Variants in ZFHX3 observed in about 807,000 individuals in gnomAD.
The protein encoded by ZFHX3 is zinc finger homeobox 3, also known as zinc finger homeobox protein 3.
In ZFHX3, 42 loss-of-function variants were observed where a neutral mutation model predicts 279.1. That is an observed-to-expected ratio of 0.15 (90% CI 0.12 to 0.19). ZFHX3 has a LOEUF of 0.19. ZFHX3 is among the 10% of genes least tolerant of loss of function. ZFHX3 has a pLI of 1.00. For missense variants in ZFHX3, 4,981 were observed against 4,754.0 expected, an observed-to-expected ratio of 1.05 and a Z score of -1.40; for synonymous variants, 2,293 against 1,957.8, an observed-to-expected ratio of 1.17 and a Z score of -4.52.
chr16:73,234,490 G>T (rs940641874), intron 5 of ZFHX3, among the ~76,000 whole-genome samples: 3 of 152,164 alleles, frequency 2.0e-5, no homozygotes, highest in African/African-American at 7.2e-5. Context: ...AGCTTCAAGG[G>T]GCTGTAATGA....
chr16:73,195,923 G>A (rs1157896538), intron 5 of ZFHX3, among the ~76,000 whole-genome samples: 1 of 152,114 alleles, frequency 6.6e-6, no homozygotes, highest in Admixed American at 6.5e-5. Context: ...GAAAGATAAT[G>A]TAGCAACCAC....
At chr16:73,580,370 C>T (rs1309851703) in intron 2 of ZFHX3, among the ~76,000 whole-genome samples, 5 of 151,820 alleles carry the variant, frequency 3.3e-5, no homozygotes, top group Admixed American at 1.3e-4. Context: ...CCCAACTGCT[C>T]GGGAGGCTGA....
intron 3 of ZFHX3, among the ~76,000 whole-genome samples, chr16:73,360,380 C>T (rs922619639): frequency 6.6e-6 from 1 of 152,190 alleles, no homozygotes; most frequent in Admixed American, 6.5e-5. Context: ...ACTCTGTTGC[C>T]CAGGCTGGAG....
chr16:73,511,133 A>G (rs825831), intron 2 of ZFHX3, among the ~76,000 whole-genome samples: 31,741 of 152,090 alleles, frequency 0.21, 3,608 homozygotes, highest in East Asian at 0.31. Flanking sequence ...ACGGAAGTTA[A>G]TGAAAAATTG....
Position 73,279,041 on chromosome 16 carries a change from C to G in ZFHX3, c.-1193-21905G>C, listed in dbSNP as rs143124025. Among the ~76,000 whole-genome samples the G allele has an allele frequency of 3.5e-4, 53 of 152,368 alleles. 1 individual carries two copies. The East Asian group carries it at 9.4e-3, about 27-fold the overall frequency. On this transcript the variant is annotated intron_variant, in intron 4 of 17. Coordinates refer to the ZFHX3 transcript ENST00000641206. ...TACTTCTCAGTTAAATGTAATACAA[C>G]TTCCTTTATAATCTTAAACTTCCGG...
At chr16:73,228,064 T>C (rs1187238968) in intron 5 of ZFHX3, among the ~76,000 whole-genome samples, 1 of 152,118 alleles carries the variant, frequency 6.6e-6, no homozygotes, top group Non-Finnish European at 1.5e-5. Context: ...AGAAAGTAAA[T>C]GACTTTAGCA....
intron 3 of ZFHX3, among the ~76,000 whole-genome samples, chr16:73,393,201 A>T (rs931603843): frequency 1.3e-5 from 2 of 152,168 alleles, no homozygotes; most frequent in Admixed American, 1.3e-4. Context: ...CTTCCATCTC[A>T]GCCTCCCCAA....
intron 1 of ZFHX3, among the ~76,000 whole-genome samples, chr16:73,721,094 C>T (rs114835464): frequency 2.6e-5 from 4 of 151,964 alleles, no homozygotes. Context: ...TAAGAAGAAC[C>T]AAGTTCTTCT....
chr16:72,804,930 C>T (rs2036215757), intron 7 of ZFHX3, among the ~76,000 whole-genome samples: 1 of 152,088 alleles, frequency 6.6e-6, no homozygotes, highest in South Asian at 2.1e-4. Context: ...TAGATCGATG[C>T]CCCAGACACA....
At chr16:73,002,907 A>C (rs1597077614) in intron 1 of ZFHX3, among the ~76,000 whole-genome samples, 1 of 152,224 alleles carries the variant, frequency 6.6e-6, no homozygotes, top group Non-Finnish European at 1.5e-5. Flanking sequence ...CTCAGAAAAC[A>C]AAGTATTAAA....
intron 5 of ZFHX3, among the ~76,000 whole-genome samples, chr16:73,216,047 A>G (rs1275301249): frequency 1.3e-5 from 2 of 152,218 alleles, no homozygotes; most frequent in African/African-American, 4.8e-5. Context: ...ACTTGAACCC[A>G]TCTTGCAATG....
intron 2 of ZFHX3, among the ~76,000 whole-genome samples, chr16:73,462,515 G>A (rs2018489989): frequency 6.6e-6 from 1 of 152,116 alleles, no homozygotes; most frequent in African/African-American, 2.4e-5. Context: ...AAAGTGTTCA[G>A]TCTTTTATCA....
At chr16:73,098,582 G>C (rs533726593) in intron 7 of ZFHX3, among the ~76,000 whole-genome samples, 15 of 152,234 alleles carry the variant, frequency 9.9e-5, no homozygotes, top group African/African-American at 3.6e-4. Context: ...GGTTGGTCTT[G>C]AACTCCTGAC....
At chr16:73,632,364 C>T (rs2052482221) in intron 2 of ZFHX3, among the ~76,000 whole-genome samples, 1 of 152,142 alleles carries the variant, frequency 6.6e-6, no homozygotes, top group Non-Finnish European at 1.5e-5. Flanking sequence ...CCTGGCCTTA[C>T]AAAACTCTAC....
intron 1 of ZFHX3, among the ~76,000 whole-genome samples, chr16:73,879,927 C>G (rs772200367): frequency 2.3e-4 from 35 of 152,158 alleles, no homozygotes; most frequent in South Asian, 1.2e-3. Context: ...CTGATAACAA[C>G]TGTTATAGGA....
chr16:73,312,936 A>C (rs1703176904), intron 4 of ZFHX3, among the ~76,000 whole-genome samples: 1 of 152,234 alleles, frequency 6.6e-6, no homozygotes, highest in South Asian at 2.1e-4. Flanking sequence ...GTAGGTCAAG[A>C]ATCTTGTCCA....
At chr16:73,488,687 T>C (rs2019013084) in intron 2 of ZFHX3, among the ~76,000 whole-genome samples, 1 of 152,186 alleles carries the variant, frequency 6.6e-6, no homozygotes, top group South Asian at 2.1e-4. Flanking sequence ...AAAATAAAAC[T>C]GTAGGACAAG....
chr16:73,460,253 C>T (rs1269549824), intron 2 of ZFHX3, among the ~76,000 whole-genome samples: 5 of 152,082 alleles, frequency 3.3e-5, no homozygotes, highest in South Asian at 2.1e-4. Flanking sequence ...TTTCACTCAG[C>T]GTAATTCTCA....
chr16:73,091,392 C>T (rs1966079609), intron 8 of ZFHX3, among the ~76,000 whole-genome samples: 1 of 152,172 alleles, frequency 6.6e-6, no homozygotes, highest in Non-Finnish European at 1.5e-5. Flanking sequence ...GTGATTCCCA[C>T]TGTGCCTATT....
Sources: gnomAD v4.1 joint callset for allele counts (sites outside exome capture counted in the v4.1 genomes callset) on GRCh38, gnomAD v4.1.1 for gene constraint, MANE v1.5 for transcripts, NCBI Gene and HGNC (gene_info 2026-07-23, HGNC 2026-07-21) for gene names.